The following RSPRY1 variants were observed in gnomAD, a reference collection of about 807,000 sequenced individuals.
RSPRY1 encodes RING finger and SPRY domain-containing protein 1.
Under a neutral mutation model 73.1 loss-of-function variants are expected in RSPRY1, and 23 were observed. That is an observed-to-expected ratio of 0.31 (90% CI 0.23 to 0.45). The LOEUF (loss-of-function observed/expected upper bound fraction) is 0.45, where lower values mean the gene tolerates loss of function less well. Among genes scored for constraint, RSPRY1 ranks in the 20% least tolerant of loss-of-function variants. The pLI, the probability that RSPRY1 is intolerant of heterozygous loss-of-function variation, is 1.00. For missense variants in RSPRY1, 448 were observed against 698.7 expected, an observed-to-expected ratio of 0.64 and a Z score of 4.05; for synonymous variants, 226 against 251.4, an observed-to-expected ratio of 0.90 and a Z score of 0.95.
At chr16:57,196,704 T>G (rs1057192049) in intron 1 of RSPRY1, among the ~76,000 whole-genome samples, 1 of 152,246 alleles carries the variant, frequency 6.6e-6, no homozygotes, top group Admixed American at 6.5e-5. Flanking sequence ...TACGGGGTAG[T>G]TCTGTAAAAG....
chr16:57,187,003 C>G (rs1459607510), intron 1 of RSPRY1: 1 of 152,142 alleles, frequency 6.6e-6, no homozygotes, highest in African/African-American at 2.4e-5. Context: ...GAAGCAGGAG[C>G]TAGAACTAGC....
intron 1 of RSPRY1, among the ~76,000 whole-genome samples, chr16:57,193,580 C>T (rs1164383597): frequency 1.3e-5 from 2 of 151,506 alleles, no homozygotes; most frequent in Non-Finnish European, 2.9e-5. Flanking sequence ...GCAACCTCCA[C>T]CTTCTGGATT....
In RSPRY1 at chr16:57,231,220, A is replaced by G. The variant is rs368309991; in HGVS notation, c.1430A>G (p.Asn477Ser). The change falls in exon 13 of 15, where the codon AAT becomes AGT. Residue 477 changes from asparagine (N) to serine (S), a missense_variant. Coordinates refer to ENST00000394420, the MANE Select transcript of RSPRY1 (RefSeq NM_133368.3). Reference sequence around the variant, plus strand: ...ATGTCATATCAACAATGTGAGTTCAATTTTGGAGCAAAACCATTCAAATAC... The same window carrying G: ...ATGTCATATCAACAATGTGAGTTCAGTTTTGGAGCAAAACCATTCAAATAC... ...SFMSYQQCEFNFGAKPFKYPP... is the reference protein window; with the variant it reads ...SFMSYQQCEFSFGAKPFKYPP... The G allele has an allele frequency of 3.7e-6, 6 of 1,613,866 alleles. No individual in the cohort carries two copies. Among genetic ancestry groups the G allele is most frequent in the Admixed American group, 1.7e-5 (1 of 60,002 alleles).
At chr16:57,204,450 A>G in intron 1 of RSPRY1, 54 bp from the exon 2 acceptor site, 1 of 518,664 alleles carries the variant, frequency 1.9e-6, no homozygotes. Context: ...AAATTTGAGT[A>G]ATTAAGTGGT....
chr16:57,238,834 C>G lies in RSPRY1; in HGVS notation c.1635-45C>G, dbSNP rs372653691. 6 of 1,171,458 alleles carry G rather than the reference C, an allele frequency of 5.1e-6. No individual in the cohort carries two copies. The African/African-American group carries it at 6.3e-5, about 12-fold the overall frequency. 72.6% of individuals were successfully genotyped at this position (1,171,458 alleles called of 1,614,324 possible). A position where few individuals can be genotyped will look rare whatever the true frequency, so the allele number is the denominator to read the frequency against. On this transcript the variant is annotated intron_variant, in intron 14 of 14. Transcript: ENST00000394420. ...AGTTGGCAGGCAGTTGGAGTTTGACCTTTTGAAGCATTAACTTGACTGACT... is the reference window on the plus strand; with the variant it reads ...AGTTGGCAGGCAGTTGGAGTTTGACGTTTTGAAGCATTAACTTGACTGACT...
intron 1 of RSPRY1, among the ~76,000 whole-genome samples, chr16:57,189,823 A>G (rs182165496): frequency 9.2e-5 from 14 of 151,538 alleles, no homozygotes; most frequent in African/African-American, 2.4e-4. Context: ...ACTCCTGGGC[A>G]CAAGCCATCC....
intron 1 of RSPRY1, among the ~76,000 whole-genome samples, chr16:57,200,516 TGGCTGGCCGGGCGGGG>T (rs1452766098): frequency 1.4e-3 from 146 of 105,846 alleles, no homozygotes; most frequent in African/African-American, 5.1e-3. Context: ...CCAGACGGGG[TGGCTGGCCGGGCGGGG>T]GGCTGACCTC....
chr16:57,214,970 G>A (rs997775984), intron 6 of RSPRY1, among the ~76,000 whole-genome samples: 1 of 151,994 alleles, frequency 6.6e-6, no homozygotes, highest in South Asian at 2.1e-4. Context: ...AGAGATTACA[G>A]TTAGCTGAGA....
At chr16:57,229,638 C>T (rs2075176580) in intron 11 of RSPRY1, among the ~76,000 whole-genome samples, 2 of 141,344 alleles carry the variant, frequency 1.4e-5, no homozygotes, top group African/African-American at 5.3e-5. Context: ...AATAACAAAA[C>T]CAAAAACTGA....
At chr16:57,227,011 G>A (rs1421234028) in intron 10 of RSPRY1, among the ~76,000 whole-genome samples, 1 of 152,174 alleles carries the variant, frequency 6.6e-6, no homozygotes, top group East Asian at 1.9e-4. Context: ...CAAGCTGGTT[G>A]ACCTCTTTGA....
At chr16:57,228,751 T>G (rs1483362952) in intron 11 of RSPRY1, among the ~76,000 whole-genome samples, 1 of 152,194 alleles carries the variant, frequency 6.6e-6, no homozygotes, top group East Asian at 1.9e-4. Flanking sequence ...TTGCGTGCAG[T>G]GGTGTGATCA....
chr16:57,202,740 T>C (rs1233262056), intron 1 of RSPRY1, among the ~76,000 whole-genome samples: 2 of 152,134 alleles, frequency 1.3e-5, no homozygotes, highest in Non-Finnish European at 1.5e-5. Flanking sequence ...CAGCCATTGC[T>C]GTCTTAATAG....
chr16:57,207,925 C>G (rs1401046781), intron 2 of RSPRY1, 133 bp from the exon 3 acceptor site: 1 of 659,848 alleles, frequency 1.5e-6, no homozygotes, highest in Admixed American at 2.4e-5. Flanking sequence ...CAGGTTGTCT[C>G]TTCTATCTCT....
At chr16:57,233,548 T>C (rs1014004857) in intron 13 of RSPRY1, among the ~76,000 whole-genome samples, 1 of 152,122 alleles carries the variant, frequency 6.6e-6, no homozygotes, top group Non-Finnish European at 1.5e-5. Flanking sequence ...TTTTGTATTA[T>C]TTGTAGAGAC....
In RSPRY1 at chr16:57,204,831, C is replaced by T; in HGVS notation, c.173C>T (p.Thr58Ile). 6.2e-7 allele frequency: 1 copy of T among 1,614,178 alleles called. No homozygotes were observed. Among genetic ancestry groups the T allele is most frequent in the Non-Finnish European group, 8.5e-7 (1 of 1,180,028 alleles). ...DDSGTDDSVDTQQQQAENSAV... is the reference protein window; with the variant it reads ...DDSGTDDSVDIQQQQAENSAV... ...AGTGGAACAGATGACAGTGTTGACA[C>T]CCAACAGCAACAGGCCGAGAACAGT... The change falls in exon 2 of 15, where the codon ACC becomes ATC. Residue 58 changes from threonine (T) to isoleucine (I), a missense_variant. Transcript: ENST00000394420.
intron 13 of RSPRY1, among the ~76,000 whole-genome samples, chr16:57,231,899 A>T (rs942464096): frequency 1.3e-5 from 2 of 152,228 alleles, no homozygotes; most frequent in African/African-American, 4.8e-5. Context: ...AAAAACTGTG[A>T]TTGGCATTAA....
chr16:57,201,169 C>T (rs1269663923), intron 1 of RSPRY1, among the ~76,000 whole-genome samples: 28 of 151,384 alleles, frequency 1.8e-4, no homozygotes, highest in African/African-American at 6.8e-4. Context: ...GACGGTGTGG[C>T]TGCCAGGTGG....
In RSPRY1 at chr16:57,230,696, C is replaced by T. The variant is rs1304751733; in HGVS notation, c.1274-15C>T. 3 of 1,412,706 alleles carry T rather than the reference C, an allele frequency of 2.1e-6. No homozygotes were observed. Among genetic ancestry groups the T allele is most frequent in the African/African-American group, 1.4e-5 (1 of 70,844 alleles). 87.5% of individuals were successfully genotyped at this position (1,412,706 alleles called of 1,614,324 possible). On this transcript the variant is annotated splice_polypyrimidine_tract_variant and intron_variant, in intron 11 of 14. Coordinates refer to ENST00000394420, the MANE Select transcript of RSPRY1 (RefSeq NM_133368.3). ...ACACATCATTATCCTAACAGTGTTTCTCTTTATCCTCTAGGAGATACAGTA... is the reference window on the plus strand; with the variant it reads ...ACACATCATTATCCTAACAGTGTTTTTCTTTATCCTCTAGGAGATACAGTA...
intron 8 of RSPRY1, among the ~76,000 whole-genome samples, chr16:57,218,732 T>G (rs1305245560): frequency 2.1e-5 from 2 of 95,506 alleles, no homozygotes; most frequent in African/African-American, 4.6e-5. Flanking sequence ...TTTTTTTTTT[T>G]TTTTTTTTTT....
Sources: allele counts gnomAD v4.1 joint callset (sites outside exome capture counted in the v4.1 genomes callset), GRCh38; gene constraint gnomAD v4.1.1; transcripts MANE v1.5; gene names NCBI Gene and HGNC (gene_info 2026-07-23, HGNC 2026-07-21).